Variants in SDAD1 observed in about 807,000 individuals in gnomAD.
SDAD1 encodes SDA1 domain containing 1.
In SDAD1, 79 loss-of-function variants were observed where a neutral mutation model predicts 100.3. That is an observed-to-expected ratio of 0.79 (90% CI 0.66 to 0.95). The LOEUF (loss-of-function observed/expected upper bound fraction) is 0.95. SDAD1 is among the 40% of genes least tolerant of loss of function. The pLI is 0.00. For missense variants in SDAD1, 790 were observed against 810.9 expected, an observed-to-expected ratio of 0.97 and a Z score of 0.31; for synonymous variants, 267 against 271.4, an observed-to-expected ratio of 0.98 and a Z score of 0.16.
At chr4:75,981,603 T>C (rs2149328918) in intron 2 of SDAD1, 133 bp from the exon 3 acceptor site, 1 of 1,424,566 alleles carries the variant, frequency 7.0e-7, no homozygotes, top group South Asian at 1.2e-5. Flanking sequence ...CAAACAACCT[T>C]CTTTTCCTTC....
chr4:75,990,276 C>CA (rs1491151940), intron 1 of SDAD1, among the ~76,000 whole-genome samples: 1 of 17,648 alleles, frequency 5.7e-5, no homozygotes, highest in East Asian at 0.01. Context: ...CTTGAGAAAC[C>CA]CCCCCCCCCC....
At chr4:75,989,678 T>G (rs752465176) in intron 1 of SDAD1, among the ~76,000 whole-genome samples, 11 of 152,232 alleles carry the variant, frequency 7.2e-5, no homozygotes, top group Non-Finnish European at 1.3e-4. Context: ...ACTTACCACT[T>G]TCTTTGCGAA....
Position 75,961,038 on chromosome 4 carries a change from T to C in SDAD1, c.1346A>G (p.Lys449Arg). ...FRTLNPQMLQKKFRGKPTEAS... is the reference protein window; with the variant it reads ...FRTLNPQMLQRKFRGKPTEAS... ...GTGTGCTTTACCTACCCGGAATTTC[T>C]TCTGCAGCATCTGAGGATTCAGTGT... Residue 449 changes from lysine to arginine, a missense_variant, in exon 16 of 22, where the codon AAG (lysine) becomes AGG (arginine). Transcript: ENST00000356260. 1 of 1,613,838 alleles carries C rather than the reference T, an allele frequency of 6.2e-7. No individual in the cohort carries two copies. The highest frequency in any genetic ancestry group is 8.5e-7 in the Non-Finnish European group (1 of 1,179,952).
intron 1 of SDAD1, among the ~76,000 whole-genome samples, chr4:75,986,885 T>C (rs1052335885): frequency 1.3e-5 from 2 of 151,878 alleles, no homozygotes; most frequent in East Asian, 1.9e-4. Context: ...GGAATGGTGG[T>C]TGCACACTTG....
chr4:75,981,757 T>C (rs1730532213), intron 2 of SDAD1, among the ~76,000 whole-genome samples, 176 bp downstream of exon 2: 1 of 152,210 alleles, frequency 6.6e-6, no homozygotes, highest in Non-Finnish European at 1.5e-5. Flanking sequence ...CAAAAAGATC[T>C]AGTGACATTC....
chr4:75,968,979 C>G (rs927637160), intron 11 of SDAD1, among the ~76,000 whole-genome samples: 2 of 141,940 alleles, frequency 1.4e-5, no homozygotes, highest in Admixed American at 7.5e-5. Flanking sequence ...TGCAGTGAGC[C>G]GAGATTGCGC....
intron 21 of SDAD1, among the ~76,000 whole-genome samples, chr4:75,951,092 A>G (rs1728608127): frequency 6.6e-6 from 1 of 152,164 alleles, no homozygotes; most frequent in South Asian, 2.1e-4. Context: ...TCCAGGGATA[A>G]TAAATAATAC....
At chr4:75,953,181 G>A (rs1728708387) in intron 21 of SDAD1, among the ~76,000 whole-genome samples, 1 of 152,164 alleles carries the variant, frequency 6.6e-6, no homozygotes, top group Non-Finnish European at 1.5e-5. Context: ...TATGTCCAAT[G>A]AAATCTTAAT....
chr4:75,967,752 T>C (rs1387748316), intron 11 of SDAD1, among the ~76,000 whole-genome samples: 1 of 152,034 alleles, frequency 6.6e-6, no homozygotes, highest in Non-Finnish European at 1.5e-5. Context: ...TAGCACCGAG[T>C]ATAATTTAAT....
At chr4:75,957,770 T>C (rs1728988125) in intron 18 of SDAD1, 62 bp from the exon 19 acceptor site, 3 of 1,612,054 alleles carry the variant, frequency 1.9e-6, no homozygotes, top group Admixed American at 1.7e-5. Flanking sequence ...CCATTTAAAT[T>C]GTAGCCTCCC....
intron 4 of SDAD1, among the ~76,000 whole-genome samples, chr4:75,976,830 C>T (rs561857916): frequency 2.7e-4 from 41 of 152,340 alleles, no homozygotes; most frequent in African/African-American, 9.9e-4. Flanking sequence ...CCACACCATG[C>T]TCCCATGGAC....
intron 20 of SDAD1, among the ~76,000 whole-genome samples, 181 bp downstream of exon 20, chr4:75,957,144 C>T (rs1317733146): frequency 6.6e-6 from 1 of 152,066 alleles, no homozygotes; most frequent in Non-Finnish European, 1.5e-5. Flanking sequence ...CAAAAGCAAA[C>T]CCAAACAAAA....
At chr4:75,984,649 A>C (rs966750373) in intron 1 of SDAD1, among the ~76,000 whole-genome samples, 2 of 152,144 alleles carry the variant, frequency 1.3e-5, no homozygotes, top group Admixed American at 1.3e-4. Flanking sequence ...TAGTTGTAAC[A>C]GCCACCTGAT....
chr4:75,978,815 A>AC (rs201592659), intron 3 of SDAD1, among the ~76,000 whole-genome samples: 11 of 142,174 alleles, frequency 7.7e-5, no homozygotes, highest in African/African-American at 1.0e-4. Context: ...GTCTCTACAC[A>AC]AAAAAAAAAA....
At chr4:75,977,224 G>A (rs746021294) in intron 4 of SDAD1, among the ~76,000 whole-genome samples, 16 of 152,210 alleles carry the variant, frequency 1.1e-4, no homozygotes, top group Non-Finnish European at 2.4e-4. Flanking sequence ...ATAGCTGTGA[G>A]TACCAATGTC....
At chr4:75,982,457 G>A (rs1028658528) in intron 1 of SDAD1, among the ~76,000 whole-genome samples, 1 of 152,064 alleles carries the variant, frequency 6.6e-6, no homozygotes, top group Non-Finnish European at 1.5e-5. Context: ...AGACCAAACT[G>A]GGTAACACAG....
rs140723416 is a variant in SDAD1, at chr4:75,957,704, T to C, written c.1583A>G (p.Lys528Arg). 105 of 1,614,212 alleles carry C rather than the reference T, an allele frequency of 6.5e-5. No homozygotes were observed. The African/African-American group carries it at 1.3e-3, about 20-fold the overall frequency. The change falls in exon 19 of 22, where the codon AAG becomes AGG. Residue 528 changes from lysine (K) to arginine (R), a missense_variant. By Grantham distance (26) the Lys-to-Arg change is conservative (BLOSUM62 2). Coordinates refer to ENST00000356260, the MANE Select transcript of SDAD1 (RefSeq NM_018115.4). ...SSDEEQQEIS[K>R]KLNSMPMEER... ...CTCCATGGGCATGCTGTTCAGCTTC[T>C]TGGACTTGAAACCACACAAGGGCTT...
chr4:75,961,952 G>A (rs147052379), intron 14 of SDAD1, among the ~76,000 whole-genome samples: 101 of 152,248 alleles, frequency 6.6e-4, no homozygotes, highest in African/African-American at 2.3e-3. Flanking sequence ...ACAACGTGCA[G>A]GTTTGTTACA....
In SDAD1 at chr4:75,957,315, GCTCA is replaced by G. The variant is rs1385052573; in HGVS notation, c.1854+6_1854+9del. Reference sequence around the variant, plus strand: ...CTGTTTAAAAAACTAGGAATGATATGCTCACTCACCATTGCAGTTGCTAGTCTTG... The same window carrying G: ...CTGTTTAAAAAACTAGGAATGATATGCTCACCATTGCAGTTGCTAGTCTTG... On this transcript the variant is annotated splice_donor_region_variant and intron_variant, in intron 20 of 21. Coordinates refer to ENST00000356260, the MANE Select transcript of SDAD1 (RefSeq NM_018115.4). 1.9e-6 allele frequency: 3 copies of G among 1,608,132 alleles called. No homozygotes were observed. Among genetic ancestry groups the G allele is most frequent in the Admixed American group, 1.7e-5 (1 of 59,488 alleles).
Sources: gnomAD v4.1 joint callset for allele counts (sites outside exome capture counted in the v4.1 genomes callset) on GRCh38, gnomAD v4.1.1 for gene constraint, MANE v1.5 for transcripts, NCBI Gene and HGNC (gene_info 2026-07-23, HGNC 2026-07-21) for gene names.